CCDC171: variants seen among roughly 807,000 people sequenced by gnomAD.
CCDC171 encodes the protein coiled-coil domain-containing protein 171.
In CCDC171, 177 loss-of-function variants were observed where a neutral mutation model predicts 168.2. The ratio of observed to expected loss-of-function variants is 1.05; its 90% CI spans 0.93 to 1.19. The LOEUF (loss-of-function observed/expected upper bound fraction) is 1.19, where lower values mean the gene tolerates loss of function less well. Among genes scored for constraint, CCDC171 ranks in the 50% most tolerant of loss-of-function variants. The probability of loss-of-function intolerance (pLI) is 0.00; values close to 1 mark genes in which losing one functional copy is unlikely to be tolerated. For missense variants in CCDC171, 1,991 were observed against 1,539.0 expected (o/e 1.29, Z -4.91); for synonymous variants, 687 against 540.8 (o/e 1.27, Z -3.75).
chr9:15,632,690 C>G (rs1284083605), intron 7 of CCDC171, among the ~76,000 whole-genome samples: 1 of 152,042 alleles, frequency 6.6e-6, no homozygotes, highest in Non-Finnish European at 1.5e-5. Context: ...TCATATGGAA[C>G]CAAAAAAGAG....
chr9:15,884,735 G>T (rs1478671796), intron 24 of CCDC171, among the ~76,000 whole-genome samples: 3 of 152,152 alleles, frequency 2.0e-5, no homozygotes, highest in African/African-American at 7.2e-5. Flanking sequence ...AGTGACGCCA[G>T]TCTTGCTTTT....
the CCDC171 span, among the ~76,000 whole-genome samples, chr9:16,076,164 G>A: frequency 6.6e-6 from 1 of 152,196 alleles, no homozygotes; most frequent in Non-Finnish European, 1.5e-5. Context: ...AGCAGGGCTT[G>A]AGCGTTGCTC....
chr9:15,813,351 A>G (rs944406872), intron 21 of CCDC171, among the ~76,000 whole-genome samples: 2 of 152,198 alleles, frequency 1.3e-5, no homozygotes, highest in African/African-American at 2.4e-5. Flanking sequence ...GGGTCTTGCA[A>G]TCACCATTTA....
chr9:15,792,442 G>A (rs565965513), intron 21 of CCDC171, among the ~76,000 whole-genome samples: 2 of 152,248 alleles, frequency 1.3e-5, no homozygotes, highest in South Asian at 4.1e-4. Context: ...AGCAAGGCAG[G>A]CCAACATTCA....
chr9:15,717,454 C>T (rs1054913010), intron 11 of CCDC171, among the ~76,000 whole-genome samples: 3 of 152,262 alleles, frequency 2.0e-5, no homozygotes, highest in South Asian at 2.1e-4. Flanking sequence ...GTGCTGGGCT[C>T]GGAGCCAGTG....
At chr9:16,013,251 C>G (rs1832921475) in intron 3 of CCDC171, among the ~76,000 whole-genome samples, 2 of 152,190 alleles carry the variant, frequency 1.3e-5, no homozygotes, top group African/African-American at 2.4e-5. Flanking sequence ...CACCCTCTTT[C>G]TTTCCATCAC....
intron 21 of CCDC171, among the ~76,000 whole-genome samples, chr9:15,837,771 A>G (rs1563842573): frequency 6.6e-6 from 1 of 152,228 alleles, no homozygotes; most frequent in African/African-American, 2.4e-5. Flanking sequence ...TAAAAATTAT[A>G]TATTTCACTC....
chr9:15,794,623 T>C (rs1320333794), intron 21 of CCDC171, among the ~76,000 whole-genome samples: 1 of 152,244 alleles, frequency 6.6e-6, no homozygotes, highest in African/African-American at 2.4e-5. Flanking sequence ...GATTTGTGTT[T>C]ATACAGACTG....
chr9:15,630,799 A>C (rs2045614367), intron 7 of CCDC171, among the ~76,000 whole-genome samples: 2 of 152,274 alleles, frequency 1.3e-5, no homozygotes, highest in African/African-American at 2.4e-5. Flanking sequence ...AATGTAAAAG[A>C]TGAGAAATTA....
chr9:16,084,861 A>G, the CCDC171 span, among the ~76,000 whole-genome samples: 3 of 152,206 alleles, frequency 2.0e-5, no homozygotes, highest in Non-Finnish European at 4.4e-5. Context: ...TAGAATGAAC[A>G]TGGAATTTCC....
chr9:15,664,567 TACACAC>T lies in CCDC171; in HGVS notation c.916-1579_916-1574del, dbSNP rs34252519. ...CTTGGCCTGTAGGCCCTTAAATTTA[TACACAC>T]ACACACACACACACACTCACACGAG... is the stretch of plus-strand genomic sequence containing the variant. On this transcript the variant is annotated intron_variant, in intron 8 of 25. Coordinates refer to ENST00000380701, the MANE Select transcript of CCDC171 (RefSeq NM_173550.4). Among the ~76,000 whole-genome samples, 5 of 144,088 alleles carry T rather than the reference TACACAC, an allele frequency of 3.5e-5. No homozygotes were observed. In the South Asian group the frequency reaches 1.1e-3, roughly 33 times the overall value. 94.5% of individuals were successfully genotyped at this position (144,088 alleles called of 152,430 possible). A position where few individuals can be genotyped will look rare whatever the true frequency, so the allele number is the denominator to read the frequency against.
chr9:15,642,659 G>C (rs2132563027), intron 7 of CCDC171, among the ~76,000 whole-genome samples: 1 of 152,092 alleles, frequency 6.6e-6, no homozygotes, highest in African/African-American at 2.4e-5. Flanking sequence ...TTTGTTTAAA[G>C]ATTTGAAGAT....
At chr9:15,572,844 C>A (rs1188907423) in intron 3 of CCDC171, among the ~76,000 whole-genome samples, 1 of 152,122 alleles carries the variant, frequency 6.6e-6, no homozygotes, top group Non-Finnish European at 1.5e-5. Context: ...AATAGGCCGT[C>A]AGTAGTTGTG....
intron 21 of CCDC171, among the ~76,000 whole-genome samples, chr9:15,838,711 C>T (rs1438394937): frequency 6.6e-6 from 1 of 152,194 alleles, no homozygotes; most frequent in Non-Finnish European, 1.5e-5. Context: ...AGATTACAGG[C>T]ATTCACCACC....
chr9:15,879,611 C>A lies in CCDC171; in HGVS notation c.3600+4948C>A, dbSNP rs556270358. 5.3e-5 allele frequency among the ~76,000 whole-genome samples: 8 copies of A among 152,154 alleles called. No homozygotes were observed. The East Asian group carries it at 1.5e-3, about 29-fold the overall frequency. ...CTATTTGTGTGCATTGTTTTTTAAACCTAATAACATATCTTTCTTGTCAGT... is the reference window on the plus strand; with the variant it reads ...CTATTTGTGTGCATTGTTTTTTAAAACTAATAACATATCTTTCTTGTCAGT... On this transcript the variant is annotated intron_variant, in intron 24 of 25. Transcript: ENST00000380701.
chr9:16,091,308 A>G, the CCDC171 span, among the ~76,000 whole-genome samples: 1 of 152,202 alleles, frequency 6.6e-6, no homozygotes, highest in Non-Finnish European at 1.5e-5. Context: ...CATTCTACCC[A>G]ATGGAAAAGA....
chr9:15,603,908 G>A (rs985572899), intron 6 of CCDC171, among the ~76,000 whole-genome samples: 2 of 152,134 alleles, frequency 1.3e-5, no homozygotes, highest in Non-Finnish European at 2.9e-5. Flanking sequence ...AACCTTGCCA[G>A]CATCTGTTGT....
chr9:16,089,723 TAAAC>T, the CCDC171 span, among the ~76,000 whole-genome samples: 2 of 150,652 alleles, frequency 1.3e-5, no homozygotes, highest in Non-Finnish European at 3.0e-5. Context: ...ACAAAGAACT[TAAAC>T]AAATTTACAA....
chr9:15,846,796 G>A lies in CCDC171; in HGVS notation c.3362G>A (p.Arg1121Gln), dbSNP rs35526108. ...ACCCAGCTGGAGCAGGACAAGCGTCGACTGGAGGAGAACATCCATGATGCA... is the reference window on the plus strand; with the variant it reads ...ACCCAGCTGGAGCAGGACAAGCGTCAACTGGAGGAGAACATCCATGATGCA... ...HLTQLEQDKRRLEENIHDAES... is the reference protein window; with the variant it reads ...HLTQLEQDKRQLEENIHDAES... Residue 1121 changes from arginine to glutamine, a missense_variant, in exon 22 of 26, where the codon CGA becomes CAA. By Grantham distance (43) the Arg-to-Gln change is conservative. Coordinates refer to ENST00000380701, the MANE Select transcript of CCDC171 (RefSeq NM_173550.4). 231 of 1,611,046 alleles carry A rather than the reference G, an allele frequency of 1.4e-4. 1 individual carries two copies. In the African/African-American group the frequency reaches 2.2e-3, roughly 15 times the overall value.
Sources: gnomAD v4.1 joint callset for allele counts (sites outside exome capture counted in the v4.1 genomes callset) on GRCh38, gnomAD v4.1.1 for gene constraint, MANE v1.5 for transcripts, NCBI Gene and HGNC (gene_info 2026-07-23, HGNC 2026-07-21) for gene names.